PCSK6: variants seen among roughly 807,000 people sequenced by gnomAD.
The protein encoded by PCSK6 is paired basic amino acid cleaving enzyme 4.
A neutral mutation model predicts 123.3 loss-of-function variants in PCSK6; 85 were observed. The ratio of observed to expected loss-of-function variants is 0.69; its 90% CI spans 0.58 to 0.83. The LOEUF (loss-of-function observed/expected upper bound fraction) is 0.83. Among genes scored for constraint, PCSK6 ranks in the 40% least tolerant of loss-of-function variants. PCSK6 has a pLI of 0.00. For synonymous variants in PCSK6, 508 were observed against 516.0 expected (o/e 0.98, Z 0.21); for missense variants, 1,191 against 1,282.3 (o/e 0.93, Z 1.09).
intron 1 of PCSK6, among the ~76,000 whole-genome samples, chr15:101,464,867 G>C (rs2057420263): frequency 6.6e-6 from 1 of 152,208 alleles, no homozygotes. Flanking sequence ...CACAGCACCA[G>C]GTTCCCACTC....
At chr15:101,469,670 C>T (rs563339550) in intron 1 of PCSK6, among the ~76,000 whole-genome samples, 8 of 152,238 alleles carry the variant, frequency 5.3e-5, no homozygotes, top group Non-Finnish European at 7.4e-5. Context: ...CCGGGTGCCT[C>T]GCTGGGAGCC....
chr15:101,448,270 T>C (rs2056944806), intron 1 of PCSK6, among the ~76,000 whole-genome samples: 1 of 152,216 alleles, frequency 6.6e-6, no homozygotes, highest in South Asian at 2.1e-4. Context: ...AGAACATCAT[T>C]ACAAACCTTG....
intron 1 of PCSK6, among the ~76,000 whole-genome samples, chr15:101,488,244 ACTTAACC>A: frequency 6.6e-6 from 1 of 152,140 alleles, no homozygotes; most frequent in Non-Finnish European, 1.5e-5. Context: ...CTGTCACTTC[ACTTAACC>A]CTCTGAGTGT....
At chr15:101,442,211 C>T (rs539684015) in intron 2 of PCSK6, among the ~76,000 whole-genome samples, 34 of 152,336 alleles carry the variant, frequency 2.2e-4, no homozygotes, top group South Asian at 2.1e-3. Context: ...AGTGCCCAAG[C>T]ACAGCCATCC....
intron 13 of PCSK6, among the ~76,000 whole-genome samples, chr15:101,355,873 A>G (rs1019816475): frequency 6.6e-6 from 1 of 152,090 alleles, no homozygotes; most frequent in Non-Finnish European, 1.5e-5. Context: ...CCACCAACGT[A>G]GGCTCCGAGG....
At chr15:101,455,015 G>A (rs2057141804) in intron 1 of PCSK6, among the ~76,000 whole-genome samples, 1 of 150,038 alleles carries the variant, frequency 6.7e-6, no homozygotes. Context: ...CAGAGTTTCA[G>A]TCTGAGAAAA....
chr15:101,431,352 C>G lies in PCSK6; in HGVS notation c.625G>C (p.Glu209Gln), dbSNP rs2056439488. 1 of 1,613,882 alleles carries G rather than the reference C, an allele frequency of 6.2e-7. No individual in the cohort carries two copies. Among genetic ancestry groups the G allele is most frequent in the African/African-American group, 1.3e-5 (1 of 74,936 alleles). ...VVVTILDDGI[E>Q]RNHPDLAPNY... is the part of the protein sequence containing the mutation. The stretch of plus-strand genomic sequence containing the variant: ...GGGGCCAGGTCAGGGTGATTTCTCT[C>G]TATGCCATCATCAAGGATGGTGACC... The change falls in exon 4 of 22, where the codon GAG becomes CAG. Residue 209 changes from glutamate (E) to glutamine (Q), a missense_variant. Glu to Gln is a conservative substitution (Grantham distance 29, BLOSUM62 2). This residue lies in a region of PCSK6 where 357 missense variants were observed against 484.5 expected (regional missense o/e 0.74). Coordinates refer to ENST00000611716, the MANE Select transcript of PCSK6 (RefSeq NM_002570.5).
intron 6 of PCSK6, among the ~76,000 whole-genome samples, chr15:101,412,301 T>A (rs2055716287): frequency 6.6e-6 from 1 of 152,034 alleles, no homozygotes; most frequent in African/African-American, 2.4e-5. Context: ...AATAGGAAGA[T>A]CTCAAATGCA....
At chr15:101,472,428 T>A (rs760889488) in intron 1 of PCSK6, among the ~76,000 whole-genome samples, 2 of 152,236 alleles carry the variant, frequency 1.3e-5, no homozygotes, top group Non-Finnish European at 1.5e-5. Context: ...CCACGGTGCA[T>A]GCAGAAACAT....
chr15:101,465,626 T>C (rs1567241614), intron 1 of PCSK6, among the ~76,000 whole-genome samples: 1 of 152,010 alleles, frequency 6.6e-6, no homozygotes, highest in African/African-American at 2.4e-5. Context: ...AAGGATTTCT[T>C]AAACAAGAAC....
chr15:101,489,431 G>T lies in PCSK6; in HGVS notation c.240C>A (p.Gly80=). 1 of 1,275,152 alleles carries T rather than the reference G, an allele frequency of 7.8e-7. No homozygotes were observed. The highest frequency in any genetic ancestry group is 1.5e-5 in the South Asian group (1 of 65,632). The allele number at this position is 1,275,152 out of a possible 1,614,324, so 79.0% of individuals were successfully genotyped here. A position where few individuals can be genotyped will look rare whatever the true frequency, so the allele number is the denominator to read the frequency against. ...CCACGCGGTCCGCCTCGGCCGGGCC[G>T]CCCAGCACTTGCACCGCCCAGTGGT... The part of the protein sequence containing the change: ...YTNHWAVQVL[G]GPAEADRVAA... Residue 80 remains glycine (G), a synonymous_variant, in exon 1 of 22, where the codon GGC becomes GGA. Coordinates refer to ENST00000611716, the MANE Select transcript of PCSK6 (RefSeq NM_002570.5).
At chr15:101,325,568 C>T (rs2040234701) in intron 16 of PCSK6, among the ~76,000 whole-genome samples, 2 of 152,216 alleles carry the variant, frequency 1.3e-5, no homozygotes, top group Admixed American at 1.3e-4. Context: ...CATCTGTCAC[C>T]CAGGCCTTTG....
At chr15:101,477,930 A>G (rs922764060) in intron 1 of PCSK6, among the ~76,000 whole-genome samples, 1 of 152,242 alleles carries the variant, frequency 6.6e-6, no homozygotes, top group Non-Finnish European at 1.5e-5. Context: ...ACTGAGCTCC[A>G]GGCCAGAGCC....
chr15:101,322,878 G>A (rs1596181125), intron 17 of PCSK6, among the ~76,000 whole-genome samples: 1 of 152,238 alleles, frequency 6.6e-6, no homozygotes, highest in East Asian at 1.9e-4. Flanking sequence ...AGGGATGGAG[G>A]CCAATTCCTG....
intron 18 of PCSK6, among the ~76,000 whole-genome samples, chr15:101,319,608 A>T (rs1271883382): frequency 1.3e-5 from 2 of 152,172 alleles, no homozygotes; most frequent in Admixed American, 1.3e-4. Context: ...CCCTCCTGGG[A>T]GGTGAGAGGG....
chr15:101,307,460 G>A (rs1462196360), intron 20 of PCSK6, 135 bp from the exon 21 acceptor site: 12 of 634,986 alleles, frequency 1.9e-5, no homozygotes, highest in South Asian at 1.1e-4. Flanking sequence ...AGGCTGTGTC[G>A]CCCACCATTC....
intron 13 of PCSK6, among the ~76,000 whole-genome samples, chr15:101,362,783 G>T (rs571873668): frequency 6.6e-6 from 1 of 152,348 alleles, no homozygotes; most frequent in South Asian, 2.1e-4. Context: ...ACAGGTATTT[G>T]TAAGAGTTAG....
chr15:101,356,276 G>A (rs73493391), intron 13 of PCSK6, among the ~76,000 whole-genome samples: 5,552 of 152,070 alleles, frequency 0.037, 210 homozygotes, highest in African/African-American at 0.098. Flanking sequence ...GCTCACCCAC[G>A]GTGGAAGCTG....
At chr15:101,347,449 G>C in intron 13 of PCSK6, 1 of 1,253,580 alleles carries the variant, frequency 8.0e-7, no homozygotes. Context: ...ACACAGAAGA[G>C]ACTAATCTCT....
Sources: gnomAD v4.1 joint callset for allele counts (sites outside exome capture counted in the v4.1 genomes callset) on GRCh38, gnomAD v4.1.1 for gene constraint, gnomAD v4.1.1 regional missense constraint, MANE v1.5 for transcripts, NCBI Gene and HGNC (gene_info 2026-07-23, HGNC 2026-07-21) for gene names.